Variants in AKAP12 observed in about 807,000 individuals in gnomAD.
AKAP12 encodes the protein A-kinase anchor protein 12.
A neutral mutation model predicts 79.9 loss-of-function variants in AKAP12; 32 were observed. The ratio of observed to expected loss-of-function variants is 0.40; its 90% CI spans 0.30 to 0.54. AKAP12 has a LOEUF of 0.54. AKAP12 is among the 20% of genes least tolerant of loss of function. The pLI is 0.48. For synonymous variants in AKAP12, 808 were observed against 857.0 expected (o/e 0.94, Z 1.00); for missense variants, 2,074 against 2,177.0 (o/e 0.95, Z 0.94).
chr6:151,240,788 G>T, intron 2 of AKAP12, 64 bp downstream of exon 2: 1 of 818,904 alleles, frequency 1.2e-6, no homozygotes, highest in Non-Finnish European at 1.5e-6. Context: ...GGTGGGGGTG[G>T]GGGGGTCCCT....
intron 3 of AKAP12, among the ~76,000 whole-genome samples, chr6:151,330,493 G>C (rs1458866728): frequency 6.6e-6 from 1 of 152,178 alleles, no homozygotes; most frequent in African/African-American, 2.4e-5. Flanking sequence ...CCAGGACAAT[G>C]CTACGAATCT....
chr6:151,350,786 G>C lies in AKAP12; in HGVS notation c.2395G>C (p.Gly799Arg). 2 of 1,613,972 alleles carry C rather than the reference G, an allele frequency of 1.2e-6. No homozygotes were observed. The highest frequency in any genetic ancestry group is 4.5e-5 in the East Asian group (2 of 44,886). ...ACATTCCACTCCAGACACTGAACCC[G>C]GTAAAGAAGAATCCTGGGTCTCAAT... ...VEHSTPDTEP[G>R]KEESWVSIKK... Residue 799 changes from glycine (G) to arginine (R), a missense_variant, in exon 4 of 5, where the codon GGT becomes CGT. Physicochemically the swap from Gly to Arg is moderately radical, Grantham distance 125 (BLOSUM62 -2). Coordinates refer to ENST00000402676, the MANE Select transcript of AKAP12 (RefSeq NM_005100.4). This position sits in a 1 kb window ranked among gnomAD's most constrained non-coding sequence, Gnocchi z 4.8.
At chr6:151,295,838 A>T (rs1776713102) in intron 2 of AKAP12, among the ~76,000 whole-genome samples, 2 of 152,186 alleles carry the variant, frequency 1.3e-5, no homozygotes, top group South Asian at 4.1e-4. Flanking sequence ...GGGTTCAGAC[A>T]GCTGGGCCCT....
chr6:151,353,840 T>A, intron 4 of AKAP12, 88 bp downstream of exon 4: 2 of 857,882 alleles, frequency 2.3e-6, no homozygotes, highest in Non-Finnish European at 3.6e-6. Context: ...AGCAAATAAT[T>A]AATGCCTTCG....
chr6:151,311,685 T>C (rs1777108177), intron 3 of AKAP12, among the ~76,000 whole-genome samples: 1 of 152,222 alleles, frequency 6.6e-6, no homozygotes, highest in Non-Finnish European at 1.5e-5. Context: ...ATTTCATTTT[T>C]CTAATGGCGC....
In AKAP12 at chr6:151,353,224, T is replaced by C. The variant is rs1264852934; in HGVS notation, c.4833T>C (p.Ile1611=). The C allele has an allele frequency of 6.2e-7, 1 of 1,614,116 alleles. No homozygotes were observed. The highest frequency in any genetic ancestry group is 2.2e-5 in the East Asian group (1 of 44,886). The change falls in exon 4 of 5, where the codon ATT becomes ATC. Residue 1611 remains isoleucine (I), a synonymous_variant. Transcript: ENST00000402676. ...PQASAQDETP[I]TSAKEESEST... ...CCTCTGCACAGGATGAAACACCAATTACTTCAGCCAAAGAGGAGTCAGAGT... is the reference window on the plus strand; with the variant it reads ...CCTCTGCACAGGATGAAACACCAATCACTTCAGCCAAAGAGGAGTCAGAGT...
At chr6:151,323,117 C>G (rs977337567) in intron 3 of AKAP12, among the ~76,000 whole-genome samples, 1 of 152,232 alleles carries the variant, frequency 6.6e-6, no homozygotes, top group Non-Finnish European at 1.5e-5. Flanking sequence ...CACACAGAGG[C>G]TCGCTGGGCA....
Position 151,352,614 on chromosome 6 carries a change from C to T in AKAP12, c.4223C>T (p.Thr1408Ile). 6.2e-7 allele frequency: 1 copy of T among 1,614,092 alleles called. No homozygotes were observed. The highest frequency in any genetic ancestry group is 8.5e-7 in the Non-Finnish European group (1 of 1,180,022). ...CTAGGTCAAGAGGAGGCAGTATGCA[C>T]CAAAATTCAAGTTCAGAGCTCTGAG... ...PCLGQEEAVC[T>I]KIQVQSSEAS... Residue 1408 changes from threonine (T) to isoleucine (I), a missense_variant, in exon 4 of 5, where the codon ACC (threonine) becomes ATC (isoleucine). Physicochemically the swap from Thr to Ile is moderately conservative, Grantham distance 89 (BLOSUM62 -1). This residue lies in a region of AKAP12 where 614 missense variants were observed against 665.6 expected (regional missense o/e 0.92). Transcript: ENST00000402676.
chr6:151,300,239 G>A (rs1035839221), intron 2 of AKAP12, among the ~76,000 whole-genome samples: 4 of 152,150 alleles, frequency 2.6e-5, no homozygotes, highest in Non-Finnish European at 4.4e-5. Context: ...TTGATCATTT[G>A]TGGGTGTGTC....
intron 2 of AKAP12, among the ~76,000 whole-genome samples, chr6:151,283,877 G>A (rs1361846606): frequency 6.6e-6 from 1 of 152,090 alleles, no homozygotes; most frequent in Non-Finnish European, 1.5e-5. Context: ...ATTTCACATC[G>A]ACCCATTCTG....
intron 2 of AKAP12, among the ~76,000 whole-genome samples, chr6:151,291,747 A>C (rs1018337776): frequency 1.1e-4 from 16 of 152,242 alleles, no homozygotes; most frequent in African/African-American, 3.6e-4. Context: ...CTAAATGTTT[A>C]ATGAGTTTTT....
Position 151,351,606 on chromosome 6 carries a change from C to CA in AKAP12, c.3216dup (p.Glu1073ArgfsTer10), listed in dbSNP as rs1778292842. 1 of 1,614,118 alleles carries CA rather than the reference C, an allele frequency of 6.2e-7. No homozygotes were observed. The highest frequency in any genetic ancestry group is 8.5e-7 in the Non-Finnish European group (1 of 1,180,038). Reference sequence around the variant, plus strand: ...GATGTGCTTCAGCCTGTGCAGAGAGCAGAGGCAGAAAGACCAGAAGAGCAG... The same window carrying CA: ...GATGTGCTTCAGCCTGTGCAGAGAGCAAGAGGCAGAAAGACCAGAAGAGCAG... On this transcript the variant is annotated frameshift_variant, in exon 4 of 5. Coordinates refer to ENST00000402676, the MANE Select transcript of AKAP12 (RefSeq NM_005100.4). LOFTEE classifies it low-confidence loss of function (END_TRUNC). The surrounding 1 kb of genome is among the most constrained non-coding windows in gnomAD (Gnocchi z 4.4).
intron 2 of AKAP12, among the ~76,000 whole-genome samples, chr6:151,293,228 C>T (rs970654551): frequency 9.2e-5 from 14 of 152,260 alleles, no homozygotes; most frequent in Middle Eastern, 6.8e-3. Context: ...AGCCACTTAA[C>T]GTGAGAGTAA....
intron 2 of AKAP12, among the ~76,000 whole-genome samples, chr6:151,255,792 A>G (rs1797280993): frequency 6.6e-6 from 1 of 152,182 alleles, no homozygotes; most frequent in Admixed American, 6.5e-5. Context: ...AAAACAAAAC[A>G]AAAAAATTAT....
chr6:151,322,702 C>CGTGTCCACCACCCACTCCCGCCACTGGGT (rs1562738491), intron 3 of AKAP12, among the ~76,000 whole-genome samples: 1 of 147,984 alleles, frequency 6.8e-6, no homozygotes, highest in African/African-American at 2.5e-5. Flanking sequence ...CGCCACTGGG[C>CGTGTCCACCACCCACTCCCGCCACTGGGT]GTGTCCACCA....
intron 2 of AKAP12, among the ~76,000 whole-genome samples, chr6:151,297,782 A>G (rs938339504): frequency 2.0e-5 from 3 of 152,056 alleles, no homozygotes; most frequent in Admixed American, 1.3e-4. Flanking sequence ...TTCACATCTC[A>G]GACTCAAGCC....
At position 151,348,848 on chromosome 6, in the gene AKAP12, GA is replaced by G; in HGVS notation, c.460del (p.Ser154AlafsTer3). 2.5e-6 allele frequency: 4 copies of G among 1,614,138 alleles called. No homozygotes were observed. Among genetic ancestry groups the G allele is most frequent in the Non-Finnish European group, 3.4e-6 (4 of 1,180,012 alleles). On this transcript the variant is annotated frameshift_variant, in exon 4 of 5. Coordinates refer to ENST00000402676, the MANE Select transcript of AKAP12 (RefSeq NM_005100.4). LOFTEE classifies it high-confidence loss of function. ...PEIIEQIPSS[E>X]SNLEELTQPT... ...AATAATCGAACAGATTCCTTCTTCAGAAAGCAATTTAGAAGAGCTAACACAA... is the reference window on the plus strand; with the variant it reads ...AATAATCGAACAGATTCCTTCTTCAGAAGCAATTTAGAAGAGCTAACACAA...
Position 151,352,012 on chromosome 6 carries a change from G to A in AKAP12, c.3621G>A (p.Gly1207=), listed in dbSNP as rs192923454. Residue 1207 remains glycine (G), a synonymous_variant, in exon 4 of 5, where the codon GGG becomes GGA. Transcript: ENST00000402676. ...ENEVASGTQS[G]GTEAEAVPAQ... ...AGGTCGCATCTGGTACCCAGTCAGG[G>A]GGCACAGAAGCAGAGGCAGTTCCTG... The A allele has an allele frequency of 6.2e-7, 1 of 1,614,046 alleles. No individual in the cohort carries two copies. Among genetic ancestry groups the A allele is most frequent in the African/African-American group, 1.3e-5 (1 of 75,006 alleles).
intron 2 of AKAP12, among the ~76,000 whole-genome samples, chr6:151,251,763 G>A (rs866190862): frequency 2.0e-5 from 3 of 152,208 alleles, no homozygotes; most frequent in African/African-American, 7.2e-5. Context: ...TTGGGAGGCC[G>A]AGGCGGGCAG....
Sources: gnomAD v4.1 joint callset for allele counts (sites outside exome capture counted in the v4.1 genomes callset) on GRCh38, gnomAD v4.1.1 for gene constraint, gnomAD v4.1.1 regional missense constraint, Gnocchi (gnomAD v3.1) non-coding constraint, MANE v1.5 for transcripts, NCBI Gene and HGNC (gene_info 2026-07-23, HGNC 2026-07-21) for gene names.